The following WDR46 variants were observed in gnomAD, a reference collection of about 807,000 sequenced individuals.
WDR46 encodes the protein WD repeat-containing protein 46.
In WDR46, 58 loss-of-function variants were observed where a neutral mutation model predicts 74.7. That is an observed-to-expected ratio of 0.78 (90% CI 0.63 to 0.97). The LOEUF is 0.97. WDR46 is among the 50% of genes least tolerant of loss of function. The pLI is 0.00. For synonymous variants in WDR46, 278 were observed against 297.3 expected, an observed-to-expected ratio of 0.93 and a Z score of 0.67; for missense variants, 702 against 790.1, an observed-to-expected ratio of 0.89 and a Z score of 1.34.
intron 12 of WDR46, 75 bp from the exon 13 acceptor site, chr6:33,279,934 G>A: frequency 6.9e-7 from 1 of 1,459,088 alleles, no homozygotes; most frequent in Non-Finnish European, 9.4e-7. Flanking sequence ...AGCCAGGGAG[G>A]CTGCTGAACC....
chr6:33,288,058 C>A (rs1354601596), intron 5 of WDR46, 32 bp from the exon 6 acceptor site: 3 of 1,613,908 alleles, frequency 1.9e-6, no homozygotes, highest in Non-Finnish European at 2.5e-6. Context: ...AAAAAGAGTG[C>A]CCTGCAGTAA....
At position 33,288,235 on chromosome 6, in the gene WDR46, C is replaced by T. The variant is rs1562635177; in HGVS notation, c.474G>A (p.Gly158=). 1 of 1,614,182 alleles carries T rather than the reference C, an allele frequency of 6.2e-7. No homozygotes were observed. The highest frequency in any genetic ancestry group is 8.5e-7 in the Non-Finnish European group (1 of 1,180,044). ...RSELLLAEEP[G]FLEGEDGEDT... ...CTTCCCCATCCTCCCCTTCCAGAAA[C>T]CTGAAAGCAAGGGTTAGGATGGCAG... is the stretch of plus-strand genomic sequence containing the variant. Residue 158 remains glycine, a splice_region_variant and synonymous_variant, in exon 5 of 15, where the codon GGG becomes GGA. Coordinates refer to ENST00000374617, the MANE Select transcript of WDR46 (RefSeq NM_005452.6).
At position 33,288,914 on chromosome 6, in the gene WDR46, T is replaced by C. The variant is rs1391808547; in HGVS notation, c.169A>G (p.Arg57Gly). 3.1e-6 allele frequency: 5 copies of C among 1,614,116 alleles called. No individual in the cohort carries two copies. The highest frequency in any genetic ancestry group is 4.2e-6 in the Non-Finnish European group (5 of 1,180,030). The change falls in exon 2 of 15, where the codon AGA (arginine) becomes GGA (glycine). Residue 57 changes from arginine to glycine, a missense_variant. By Grantham distance (125) the Arg-to-Gly change is moderately radical (BLOSUM62 -2). Transcript: ENST00000374617. The stretch of plus-strand genomic sequence containing the variant: ...TTTAAGATGTAAGCATTTTTTGGTC[T>C]CTGAGGACGGAGCTCCCGATTCTTC... ...NKKNRELRPQ[R>G]PKNAYILKKS... is the part of the protein sequence containing the mutation.
At position 33,286,919 on chromosome 6, in the gene WDR46, T is replaced by C. The variant is rs187550224; in HGVS notation, c.1016-25A>G. The stretch of plus-strand genomic sequence containing the variant: ...CCTGGAAGAGAAGAAGAACCAAAGT[T>C]GCTAATACACACCTAAGCCTGAGGT... On this transcript the variant is annotated intron_variant, in intron 9 of 14. Coordinates refer to ENST00000374617, the MANE Select transcript of WDR46 (RefSeq NM_005452.6). 5.0e-6 allele frequency: 8 copies of C among 1,612,706 alleles called. No homozygotes were observed. In the East Asian group the frequency reaches 1.8e-4, roughly 36 times the overall value.
At position 33,287,225 on chromosome 6, in the gene WDR46, GA is replaced by G. The variant is rs1308733401; in HGVS notation, c.880del (p.Ser294GlnfsTer6). The G allele has an allele frequency of 3.7e-6, 6 of 1,613,604 alleles. No homozygotes were observed. The African/African-American group carries it at 8.0e-5, about 22-fold the overall frequency. ...CAGGTAGGTTAGAAACCCTGTTTCT[GA>G]CTGAGAGAGAAAGACAGAGAGAATG... ...LPFHFLLATA[S>X]ETGFLTYLDV... On this transcript the variant is annotated frameshift_variant and splice_region_variant, in exon 9 of 15. Transcript: ENST00000374617. LOFTEE classifies it high-confidence loss of function.
chr6:33,282,769 C>G (rs1306656336), intron 10 of WDR46, among the ~76,000 whole-genome samples: 1 of 151,934 alleles, frequency 6.6e-6, no homozygotes, highest in Non-Finnish European at 1.5e-5. Flanking sequence ...AGTGGCTGAC[C>G]CAGGTAGCCC....
In WDR46 at chr6:33,279,238, TG is replaced by T. The variant is rs1428088702; in HGVS notation, c.*37del. ...ACACTCATTTCCCTACAGGTGATCT[TG>T]GGGAGAGACTGTTCCCAGGCAACCC... is the stretch of plus-strand genomic sequence containing the variant. On this transcript the variant is annotated 3_prime_UTR_variant, in exon 15 of 15. Transcript: ENST00000374617. 2 of 1,612,348 alleles carry T rather than the reference TG, an allele frequency of 1.2e-6. No individual in the cohort carries two copies. Among genetic ancestry groups the T allele is most frequent in the African/African-American group, 2.7e-5 (2 of 74,912 alleles).
rs1766991550 is a variant in WDR46, at chr6:33,288,939, C to T, written c.144G>A (p.Lys48=). The T allele has an allele frequency of 1.2e-6, 2 of 1,614,026 alleles. No individual in the cohort carries two copies. The highest frequency in any genetic ancestry group is 1.7e-6 in the Non-Finnish European group (2 of 1,180,032). Reference sequence around the variant, plus strand: ...TCTGAGGACGGAGCTCCCGATTCTTCTTGTTACGAGGAGGCCCTGGAGAGG... The same window carrying T: ...TCTGAGGACGGAGCTCCCGATTCTTTTTGTTACGAGGAGGCCCTGGAGAGG... The part of the protein sequence containing the change: ...AGASPGPPRN[K]KNRELRPQRP... The change falls in exon 2 of 15, where the codon AAG becomes AAA. Residue 48 remains lysine (K), a synonymous_variant. Transcript: ENST00000374617.
At chr6:33,285,536 T>C (rs1254520396) in intron 10 of WDR46, among the ~76,000 whole-genome samples, 1 of 152,122 alleles carries the variant, frequency 6.6e-6, no homozygotes, top group Non-Finnish European at 1.5e-5. Context: ...TGTTTGTTTG[T>C]TTTTGAGACG....
At chr6:33,283,986 G>A (rs1766406143) in intron 10 of WDR46, among the ~76,000 whole-genome samples, 1 of 152,130 alleles carries the variant, frequency 6.6e-6, no homozygotes, top group Non-Finnish European at 1.5e-5. Context: ...GCTCACGCCT[G>A]TAATCCCAAC....
chr6:33,288,955 C>A lies in WDR46; in HGVS notation c.128G>T (p.Gly43Val), dbSNP rs1459711356. ...CCGATTCTTCTTGTTACGAGGAGGC[C>A]CTGGAGAGGCTCCGGCTGTGGTCGG... Reference protein sequence around the residue: ...TVPTTAGASPGPPRNKKNREL... With the variant: ...TVPTTAGASPVPPRNKKNREL... Residue 43 changes from glycine to valine, a missense_variant, in exon 2 of 15, where the codon GGG becomes GTG. Coordinates refer to ENST00000374617, the MANE Select transcript of WDR46 (RefSeq NM_005452.6). 2 of 1,614,052 alleles carry A rather than the reference C, an allele frequency of 1.2e-6. No individual in the cohort carries two copies. The highest frequency in any genetic ancestry group is 1.7e-5 in the Admixed American group (1 of 60,006).
chr6:33,280,168 G>C (rs1410056421), intron 12 of WDR46, among the ~76,000 whole-genome samples: 1 of 150,878 alleles, frequency 6.6e-6, no homozygotes, highest in South Asian at 2.1e-4. Flanking sequence ...TCCAGCAGGG[G>C]GAATCTCACC....
Position 33,288,690 on chromosome 6 carries a change from T to TG in WDR46, c.283dup (p.Gln95ProfsTer22). ...GGGGGCGGGGCCTGGGAATGGATCT[T>TG]GGGTCTAGGGGAAAGGAGGACGCAA... On this transcript the variant is annotated frameshift_variant, in exon 3 of 15. Transcript: ENST00000374617. LOFTEE classifies it high-confidence loss of function. The TG allele has an allele frequency of 1.2e-6, 2 of 1,613,098 alleles. No homozygotes were observed. Among genetic ancestry groups the TG allele is most frequent in the Non-Finnish European group, 1.7e-6 (2 of 1,179,344 alleles).
At chr6:33,286,738 T>TATGAC in intron 10 of WDR46, 57 bp downstream of exon 10, 2 of 1,550,790 alleles carry the variant, frequency 1.3e-6, no homozygotes, top group South Asian at 2.3e-5. Flanking sequence ...GCACACTGCC[T>TATGAC]TCCACACCTT....
chr6:33,280,449 C>T lies in WDR46; in HGVS notation c.1503G>A (p.Glu501=). The change falls in exon 12 of 15, where the codon GAG becomes GAA. Residue 501 remains glutamate (E), a synonymous_variant. Coordinates refer to ENST00000374617, the MANE Select transcript of WDR46 (RefSeq NM_005452.6). ...TCACCTTCTCTAGCAGGGCCTTCAC[C>T]TCCCACTCCTGGCGCTGCTTCCGGC... ...YRSRKQRQEW[E]VKALLEKVPA... 6.3e-7 allele frequency: 1 copy of T among 1,586,792 alleles called. No individual in the cohort carries two copies. The highest frequency in any genetic ancestry group is 8.6e-7 in the Non-Finnish European group (1 of 1,165,020).
At chr6:33,285,476 T>C (rs1362884843) in intron 10 of WDR46, among the ~76,000 whole-genome samples, 3 of 152,112 alleles carry the variant, frequency 2.0e-5, no homozygotes. Flanking sequence ...ACCAAACTGT[T>C]AAGATTACAG....
intron 10 of WDR46, among the ~76,000 whole-genome samples, chr6:33,282,571 T>C (rs1766280700): frequency 1.3e-5 from 2 of 152,126 alleles, no homozygotes. Context: ...TAATACAAGC[T>C]ACCAGAACAC....
chr6:33,283,345 C>T (rs1262370794), intron 10 of WDR46, among the ~76,000 whole-genome samples: 1 of 152,116 alleles, frequency 6.6e-6, no homozygotes, highest in Non-Finnish European at 1.5e-5. Context: ...AATCCCAGTA[C>T]TTTGGGAGGT....
chr6:33,288,206 G>T lies in WDR46; in HGVS notation c.503C>A (p.Thr168Lys). The T allele has an allele frequency of 6.2e-7, 1 of 1,614,202 alleles. No individual in the cohort carries two copies. Among genetic ancestry groups the T allele is most frequent in the South Asian group, 1.1e-5 (1 of 91,090 alleles). Residue 168 changes from threonine (T) to lysine (K), a missense_variant, in exon 5 of 15, where the codon ACA becomes AAA. By Grantham distance (78) the Thr-to-Lys change is moderately conservative. Transcript: ENST00000374617. ...GFLEGEDGED[T>K]AKICQADIVE... ...AATGTCAGCCTGGCATATCTTTGCTGTGTCTTCCCCATCCTCCCCTTCCAG... is the reference window on the plus strand; with the variant it reads ...AATGTCAGCCTGGCATATCTTTGCTTTGTCTTCCCCATCCTCCCCTTCCAG...
Sources: allele counts gnomAD v4.1 joint callset (sites outside exome capture counted in the v4.1 genomes callset), GRCh38; gene constraint gnomAD v4.1.1; transcripts MANE v1.5; gene names NCBI Gene and HGNC (gene_info 2026-07-23, HGNC 2026-07-21).